CTBP2: variants seen among roughly 807,000 people sequenced by gnomAD.
CTBP2 encodes the protein C-terminal-binding protein 2.
CTBP2 carries 30 observed loss-of-function variants against 80.3 expected under a neutral mutation model. That is an observed-to-expected ratio of 0.37 (90% confidence interval 0.28 to 0.51). CTBP2 has a LOEUF of 0.51. Ranked by LOEUF, CTBP2 falls within the 20% of genes least tolerant of loss-of-function variation. The pLI is 0.93. For missense variants in CTBP2, 1,212 were observed against 1,375.3 expected (o/e 0.88, Z 1.88); for synonymous variants, 594 against 587.4 (o/e 1.01, Z -0.16).
At chr10:125,019,288 C>G (rs1055424782) in intron 1 of CTBP2, among the ~76,000 whole-genome samples, 1 of 152,140 alleles carries the variant, frequency 6.6e-6, no homozygotes, top group Non-Finnish European at 1.5e-5. Flanking sequence ...CTAACGTGGG[C>G]TAATTAGTTA....
chr10:125,025,092 T>C (rs1957404871), intron 1 of CTBP2, among the ~76,000 whole-genome samples: 2 of 152,064 alleles, frequency 1.3e-5, no homozygotes, highest in African/African-American at 4.8e-5. Flanking sequence ...TTCAGGGCTA[T>C]TTTCAAAAAG....
At chr10:125,154,443 T>C (rs1860561431) in intron 1 of CTBP2, among the ~76,000 whole-genome samples, 1 of 152,218 alleles carries the variant, frequency 6.6e-6, no homozygotes, top group South Asian at 2.1e-4. Context: ...CACAATTCTC[T>C]ATAGAAACAA....
rs758443755 is a variant in CTBP2, at chr10:124,987,273, T to C, written c.*2245A>G. 3 of 152,688 alleles carry C rather than the reference T, an allele frequency of 2.0e-5. No homozygotes were observed. Among genetic ancestry groups the C allele is most frequent in the African/African-American group, 7.2e-5 (3 of 41,556 alleles). 9.5% of individuals were successfully genotyped at this position (152,688 alleles called of 1,614,324 possible). On this transcript the variant is annotated 3_prime_UTR_variant, in exon 9 of 9. Transcript: ENST00000309035. The stretch of plus-strand genomic sequence containing the variant: ...ATGACTGACTCTGGAGAGTAAGTCA[T>C]ACCTGCACTCTGTGGACTTGATGGT...
chr10:125,051,005 T>C (rs575640915), intron 2 of CTBP2, among the ~76,000 whole-genome samples: 1 of 152,328 alleles, frequency 6.6e-6, no homozygotes, highest in South Asian at 2.1e-4. Context: ...TTACAGCTCA[T>C]CGTGAGCTAC....
chr10:125,015,314 T>G (rs912641880), intron 1 of CTBP2, among the ~76,000 whole-genome samples: 22 of 152,176 alleles, frequency 1.4e-4, no homozygotes, highest in African/African-American at 5.3e-4. Flanking sequence ...TCTCTTCGAG[T>G]CCTGCACTGT....
intron 1 of CTBP2, among the ~76,000 whole-genome samples, chr10:125,023,747 C>T (rs1957278397): frequency 6.6e-6 from 1 of 152,172 alleles, no homozygotes; most frequent in South Asian, 2.1e-4. Context: ...CAAGATAAGG[C>T]AGGTAGTTCG....
intron 2 of CTBP2, among the ~76,000 whole-genome samples, chr10:125,103,910 AG>A (rs1564926991): frequency 6.6e-6 from 1 of 152,122 alleles, no homozygotes; most frequent in East Asian, 1.9e-4. Flanking sequence ...TACATCCCTG[AG>A]GAAACTGATC....
chr10:125,046,537 C>CAAAAAAAAAAAAAA (rs57913854), intron 2 of CTBP2, among the ~76,000 whole-genome samples: 5 of 114,772 alleles, frequency 4.4e-5, no homozygotes, highest in Non-Finnish European at 7.0e-5. Context: ...GACTCTATCT[C>CAAAAAAAAAAAAAA]AAAAAAAAAA....
chr10:124,993,813 G>A (rs773683141), intron 6 of CTBP2, 42 bp downstream of exon 8: 2 of 1,590,958 alleles, frequency 1.3e-6, no homozygotes, highest in Non-Finnish European at 1.7e-6. Context: ...GTGTGGAGCT[G>A]GGCCCTGTGG....
intron 2 of CTBP2, among the ~76,000 whole-genome samples, chr10:125,094,035 C>T (rs1849180204): frequency 6.6e-6 from 1 of 152,144 alleles, no homozygotes; most frequent in African/African-American, 2.4e-5. Flanking sequence ...AGGAGAAACG[C>T]AATATAATGT....
chr10:125,054,017 A>G (rs1035741077), intron 2 of CTBP2, among the ~76,000 whole-genome samples: 2 of 152,132 alleles, frequency 1.3e-5, no homozygotes, highest in Non-Finnish European at 2.9e-5. Flanking sequence ...CCGGTGACAC[A>G]GGCGTGCCCA....
Position 125,085,260 on chromosome 10 carries a change from G to C in CTBP2, c.-102+25730C>G, listed in dbSNP as rs528065372. ...AAAGCCGCCAACATTTTTACCAACA[G>C]CATAATTATATGAGAGAAAACTCCC... On this transcript the variant is annotated intron_variant, in intron 2 of 10. Coordinates refer to the CTBP2 transcript ENST00000337195. Among the ~76,000 whole-genome samples, 4 of 152,296 alleles carry C rather than the reference G, an allele frequency of 2.6e-5. No individual in the cohort carries two copies. In the South Asian group the frequency reaches 8.3e-4, roughly 32 times the overall value.
chr10:125,030,849 CA>C (rs1958097642), upstream of CTBP2, among the ~76,000 whole-genome samples: 1 of 152,160 alleles, frequency 6.6e-6, no homozygotes, highest in Non-Finnish European at 1.5e-5. Flanking sequence ...ACAGCTTCCC[CA>C]GGGGGGTCCT....
In CTBP2 at chr10:125,026,410, A is replaced by T; in HGVS notation, c.1350T>A (p.Arg450=). 6.2e-7 allele frequency: 1 copy of T among 1,607,702 alleles called. No homozygotes were observed. Among genetic ancestry groups the T allele is most frequent in the Non-Finnish European group, 8.5e-7 (1 of 1,175,400 alleles). Reference sequence around the variant, plus strand: ...CCTGCAGGGGGTACGTGGGGCTCAGACGCGCTGTCAGGGCGCAAGGGGTGG... The same window carrying T: ...CCTGCAGGGGGTACGTGGGGCTCAGTCGCGCTGTCAGGGCGCAAGGGGTGG... Residue 450 remains arginine, a synonymous_variant, in exon 1 of 9, where the codon CGT becomes CGA. Coordinates refer to ENST00000309035, the MANE Select transcript of CTBP2 (RefSeq NM_022802.3).
At chr10:125,053,881 C>T (rs1471667722) in intron 2 of CTBP2, among the ~76,000 whole-genome samples, 4 of 152,170 alleles carry the variant, frequency 2.6e-5, no homozygotes, top group East Asian at 3.9e-4. Flanking sequence ...ACCAGGGACC[C>T]GGCAGAGGAT....
intron 2 of CTBP2, among the ~76,000 whole-genome samples, chr10:125,082,546 C>T (rs975022324): frequency 1.3e-5 from 2 of 151,548 alleles, no homozygotes; most frequent in African/African-American, 4.9e-5. Flanking sequence ...CTGCACAAGT[C>T]ACGTTTGCAC....
At chr10:125,079,566 C>T (rs1846862914) in intron 2 of CTBP2, among the ~76,000 whole-genome samples, 1 of 152,152 alleles carries the variant, frequency 6.6e-6, no homozygotes, top group African/African-American at 2.4e-5. Flanking sequence ...ATTATACATA[C>T]AGAAAATCCA....
At chr10:125,117,430 C>T (rs1853526363) in intron 1 of CTBP2, among the ~76,000 whole-genome samples, 1 of 152,124 alleles carries the variant, frequency 6.6e-6, no homozygotes, top group Non-Finnish European at 1.5e-5. Flanking sequence ...CAGGCTGCTA[C>T]CATGACAGCA....
At chr10:125,121,740 G>A (rs930692306) in intron 1 of CTBP2, among the ~76,000 whole-genome samples, 8 of 152,140 alleles carry the variant, frequency 5.3e-5, no homozygotes, top group African/African-American at 1.9e-4. Flanking sequence ...TAGAAATGGG[G>A]AAAAAGGCCT....
Sources: allele counts gnomAD v4.1 joint callset (sites outside exome capture counted in the v4.1 genomes callset), GRCh38; gene constraint gnomAD v4.1.1; transcripts MANE v1.5; gene names NCBI Gene and HGNC (gene_info 2026-07-23, HGNC 2026-07-21).